The following ADARB2 variants were observed in gnomAD, a reference collection of about 807,000 sequenced individuals.
ADARB2 encodes inactive double-stranded RNA-specific editase B2.
In ADARB2, 25 loss-of-function variants were observed where a neutral mutation model predicts 62.2. The observed-to-expected ratio is 0.40, with a 90% CI of 0.29 to 0.56. ADARB2 has a LOEUF of 0.56. Among genes scored for constraint, ADARB2 ranks in the 20% least tolerant of loss-of-function variants. ADARB2 has a pLI of 0.43. For synonymous variants in ADARB2, 572 were observed against 500.8 expected, an observed-to-expected ratio of 1.14 and a Z score of -1.90; for missense variants, 1,071 against 1,077.4, an observed-to-expected ratio of 0.99 and a Z score of 0.08.
intron 1 of ADARB2, among the ~76,000 whole-genome samples, chr10:1,401,277 T>A (rs1203002305): frequency 1.3e-5 from 2 of 152,146 alleles, no homozygotes; most frequent in East Asian, 1.9e-4. Context: ...CCACAAGGCA[T>A]CACCCATGGG....
intron 1 of ADARB2, among the ~76,000 whole-genome samples, chr10:1,653,974 A>G (rs1470368571): frequency 6.6e-6 from 1 of 152,092 alleles, no homozygotes; most frequent in East Asian, 1.9e-4. Context: ...TGAGCATAAA[A>G]TCGCAGGGAG....
intron 1 of ADARB2, among the ~76,000 whole-genome samples, chr10:1,620,435 G>T (rs1216078971): frequency 6.6e-6 from 1 of 151,784 alleles, no homozygotes; most frequent in Non-Finnish European, 1.5e-5. Context: ...TGACTAAAGA[G>T]GAAATAAAAA....
At chr10:1,636,238 C>T (rs1280944024) in intron 1 of ADARB2, among the ~76,000 whole-genome samples, 1 of 152,148 alleles carries the variant, frequency 6.6e-6, no homozygotes, top group Non-Finnish European at 1.5e-5. Flanking sequence ...ACTAAAGAGC[C>T]AGGTGCAGTG....
chr10:1,724,000 G>A lies in ADARB2; in HGVS notation c.100+13051C>T, dbSNP rs116636011. ...GCTTTAGTTTTCAGAAAATGTTTCCGAAGGTGAATTTCTGTGGTTTTCTCT... is the reference window on the plus strand; with the variant it reads ...GCTTTAGTTTTCAGAAAATGTTTCCAAAGGTGAATTTCTGTGGTTTTCTCT... On this transcript the variant is annotated intron_variant, in intron 1 of 9. Transcript: ENST00000381312. Among the ~76,000 whole-genome samples the A allele has an allele frequency of 2.4e-3, 373 of 152,312 alleles. 2 individuals carry two copies. Among genetic ancestry groups the A allele is most frequent in the African/African-American group, 8.2e-3 (340 of 41,562 alleles).
At chr10:1,386,880 C>A (rs1034522449) in intron 1 of ADARB2, among the ~76,000 whole-genome samples, 1 of 151,714 alleles carries the variant, frequency 6.6e-6, no homozygotes, top group Non-Finnish European at 1.5e-5. Context: ...TAAAAAAGGT[C>A]TCAATAAATT....
At chr10:1,681,895 G>T (rs1564366576) in intron 1 of ADARB2, among the ~76,000 whole-genome samples, 2 of 152,186 alleles carry the variant, frequency 1.3e-5, no homozygotes, top group African/African-American at 4.8e-5. Flanking sequence ...ACTCAAGGGT[G>T]TGAGGGTGCA....
At chr10:1,728,384 A>G (rs1366983526) in intron 1 of ADARB2, among the ~76,000 whole-genome samples, 1 of 152,198 alleles carries the variant, frequency 6.6e-6, no homozygotes, top group Non-Finnish European at 1.5e-5. Context: ...TTCTTTCTCT[A>G]CATGATTTTT....
intron 8 of ADARB2, among the ~76,000 whole-genome samples, chr10:1,197,072 G>A (rs915254462): frequency 4.6e-5 from 7 of 152,188 alleles, no homozygotes; most frequent in Admixed American, 2.0e-4. Flanking sequence ...TAAAAATTTT[G>A]TAGGTTACTC....
chr10:1,270,965 G>A lies in ADARB2; in HGVS notation c.1182C>T (p.Val394=), dbSNP rs527405355. 468 of 1,614,090 alleles carry A rather than the reference G, an allele frequency of 2.9e-4. 4 individuals are homozygous for A. In the South Asian group the frequency reaches 4.8e-3, roughly 17 times the overall value. ...HARHKALAGI[V]MTKGLDARQA... ...AGAGGAGGTGGCTACCTTTGGTCAT[G>A]ACGATTCCTGCCAGCGCTTTATGGC... The change falls in exon 4 of 10, where the codon GTC becomes GTT. Residue 394 remains valine (V), a synonymous_variant. Coordinates refer to ENST00000381312, the MANE Select transcript of ADARB2 (RefSeq NM_018702.4).
chr10:1,502,642 G>A (rs1486388797), intron 1 of ADARB2, among the ~76,000 whole-genome samples: 1 of 152,272 alleles, frequency 6.6e-6, no homozygotes, highest in African/African-American at 2.4e-5. Context: ...CCTCTGGCCT[G>A]TGGACGGAAG....
At position 1,696,156 on chromosome 10, in the gene ADARB2, G is replaced by GTA. The variant is rs560382014; in HGVS notation, c.100+40894_100+40895insTA. Among the ~76,000 whole-genome samples the GTA allele has an allele frequency of 2.6e-4, 39 of 149,910 alleles. 1 individual carries two copies. In the East Asian group the frequency reaches 2.7e-3, roughly 10 times the overall value. Reference sequence around the variant, plus strand: ...TATCACACATGTATATTGTGTGTATGTGTTTGCATGTGTCTGTGTATGCAC... The same window carrying GTA: ...TATCACACATGTATATTGTGTGTATGTATGTTTGCATGTGTCTGTGTATGCAC... On this transcript the variant is annotated intron_variant, in intron 1 of 9. Coordinates refer to ENST00000381312, the MANE Select transcript of ADARB2 (RefSeq NM_018702.4).
chr10:1,618,315 A>G (rs991038234), intron 1 of ADARB2, among the ~76,000 whole-genome samples: 1 of 152,190 alleles, frequency 6.6e-6, no homozygotes, highest in Non-Finnish European at 1.5e-5. Flanking sequence ...ACCCCAAATT[A>G]TAACTGTTTA....
chr10:1,629,178 G>T (rs916713621), intron 1 of ADARB2, among the ~76,000 whole-genome samples: 4 of 152,100 alleles, frequency 2.6e-5, no homozygotes, highest in African/African-American at 9.7e-5. Context: ...GAGGTTTGTG[G>T]TTACTTGATT....
chr10:1,253,824 C>T (rs756920112), intron 4 of ADARB2, among the ~76,000 whole-genome samples: 6 of 152,218 alleles, frequency 3.9e-5, no homozygotes, highest in Non-Finnish European at 5.9e-5. Flanking sequence ...TAGCTGAAGA[C>T]TGGGAGCAGC....
chr10:1,230,441 C>T (rs1308444496), intron 6 of ADARB2, among the ~76,000 whole-genome samples: 1 of 152,224 alleles, frequency 6.6e-6, no homozygotes, highest in African/African-American at 2.4e-5. Context: ...CCCCTCACAG[C>T]AAAAGCCTGG....
intron 1 of ADARB2, among the ~76,000 whole-genome samples, chr10:1,406,934 C>T (rs1832712163): frequency 1.3e-5 from 2 of 152,180 alleles, no homozygotes; most frequent in South Asian, 4.1e-4. Flanking sequence ...CCAGAAGCAG[C>T]CCATCCCCAT....
At chr10:1,188,044 ACCCC>A (rs1836785848) in intron 8 of ADARB2, 1 of 159,288 alleles carries the variant, frequency 6.3e-6, no homozygotes, top group African/African-American at 2.4e-5. Context: ...CCTGTCCATG[ACCCC>A]GGAGGTGGAA....
At chr10:1,691,899 A>ATG (rs57984302) in intron 1 of ADARB2, among the ~76,000 whole-genome samples, 27,640 of 150,398 alleles carry the variant, frequency 0.18, 3,998 homozygotes, top group African/African-American at 0.41. Flanking sequence ...TCATTACTAA[A>ATG]TGTGTGTGTG....
chr10:1,677,710 G>T (rs948904711), intron 1 of ADARB2, among the ~76,000 whole-genome samples: 1 of 152,166 alleles, frequency 6.6e-6, no homozygotes, highest in Non-Finnish European at 1.5e-5. Context: ...GCATAACTCA[G>T]CTTTGGCTGT....
Sources: allele counts gnomAD v4.1 joint callset (sites outside exome capture counted in the v4.1 genomes callset), GRCh38; gene constraint gnomAD v4.1.1; transcripts MANE v1.5; gene names NCBI Gene and HGNC (gene_info 2026-07-23, HGNC 2026-07-21).